Variants in AUTS2 observed in about 807,000 individuals in gnomAD.
The protein encoded by AUTS2 is activator of transcription and developmental regulator AUTS2.
In AUTS2, 17 loss-of-function variants were observed where a neutral mutation model predicts 112.4. The ratio of observed to expected loss-of-function variants is 0.15; its 90% CI spans 0.10 to 0.23. The LOEUF (loss-of-function observed/expected upper bound fraction) is 0.23. Among genes scored for constraint, AUTS2 ranks in the 10% least tolerant of loss-of-function variants. The pLI is 1.00. For synonymous variants in AUTS2, 751 were observed against 702.7 expected, an observed-to-expected ratio of 1.07 and a Z score of -1.09; for missense variants, 1,510 against 1,701.6, an observed-to-expected ratio of 0.89 and a Z score of 1.98.
At position 70,118,139 on chromosome 7, in the gene AUTS2, C is replaced by T; in HGVS notation, c.530C>T (p.Pro177Leu). 6.2e-7 allele frequency: 1 copy of T among 1,600,224 alleles called. No individual in the cohort carries two copies. Among genetic ancestry groups the T allele is most frequent in the Non-Finnish European group, 8.5e-7 (1 of 1,176,126 alleles). Residue 177 changes from proline to leucine, a missense_variant, in exon 3 of 19, where the codon CCA becomes CTA. Physicochemically the swap from Pro to Leu is moderately conservative, Grantham distance 98. This residue lies in a region of AUTS2 where 535 missense variants were observed against 594.3 expected (regional missense o/e 0.90). Coordinates refer to ENST00000342771, the MANE Select transcript of AUTS2 (RefSeq NM_015570.4). ...CTTTTCTTTTGCCTTTAGCTCAAGC[C>T]AGGACAGAACAGCTGCAGGGACAGT... Reference protein sequence around the residue: ...KMPKALRQLKPGQNSCRDSDS... With the variant: ...KMPKALRQLKLGQNSCRDSDS...
At chr7:70,779,672 G>A (rs973260728) in intron 14 of AUTS2, among the ~76,000 whole-genome samples, 5 of 152,218 alleles carry the variant, frequency 3.3e-5, no homozygotes, top group African/African-American at 1.2e-4. Flanking sequence ...CTCAGGACAT[G>A]AGGGAGATTG....
intron 4 of AUTS2, among the ~76,000 whole-genome samples, chr7:70,193,554 G>T (rs914128525): frequency 6.6e-6 from 1 of 152,132 alleles, no homozygotes; most frequent in African/African-American, 2.4e-5. Flanking sequence ...TGAGCAATGT[G>T]GCAGATGTTT....
At chr7:69,973,281 A>G (rs1000230924) in intron 2 of AUTS2, among the ~76,000 whole-genome samples, 5 of 152,200 alleles carry the variant, frequency 3.3e-5, no homozygotes, top group Non-Finnish European at 7.4e-5. Flanking sequence ...TGTTTTTTGT[A>G]TCCTGTAACC....
intron 1 of AUTS2, among the ~76,000 whole-genome samples, chr7:69,703,034 T>G (rs560067583): frequency 4.6e-5 from 7 of 152,302 alleles, no homozygotes; most frequent in Non-Finnish European, 1.0e-4. Flanking sequence ...TTACTTTCAA[T>G]GGCAATTTCA....
At chr7:70,124,549 T>C (rs1805857456) in intron 3 of AUTS2, among the ~76,000 whole-genome samples, 1 of 151,788 alleles carries the variant, frequency 6.6e-6, no homozygotes, top group South Asian at 2.1e-4. Context: ...AAGGAAGGGG[T>C]CCAGCTTCAA....
At chr7:69,979,350 T>A (rs1252067216) in intron 2 of AUTS2, among the ~76,000 whole-genome samples, 2 of 152,216 alleles carry the variant, frequency 1.3e-5, no homozygotes, top group Non-Finnish European at 2.9e-5. Context: ...TCCTGTACTT[T>A]TTTCATCATC....
chr7:70,131,906 G>A (rs777681183), intron 3 of AUTS2, among the ~76,000 whole-genome samples: 7 of 151,796 alleles, frequency 4.6e-5, no homozygotes, highest in South Asian at 2.1e-4. Flanking sequence ...ATACAAGGCC[G>A]TAGTCAGAAT....
At chr7:70,018,222 C>G (rs767750258) in intron 2 of AUTS2, among the ~76,000 whole-genome samples, 2 of 151,146 alleles carry the variant, frequency 1.3e-5, no homozygotes. Flanking sequence ...TTTTTTTTAA[C>G]GCCTTTAACT....
intron 4 of AUTS2, among the ~76,000 whole-genome samples, chr7:70,267,187 T>C (rs1787470164): frequency 6.6e-6 from 1 of 152,212 alleles, no homozygotes; most frequent in Non-Finnish European, 1.5e-5. Context: ...CTGTAGCAAA[T>C]TGCATTATGA....
At chr7:69,676,175 C>G (rs914827651) in intron 1 of AUTS2, among the ~76,000 whole-genome samples, 1 of 152,160 alleles carries the variant, frequency 6.6e-6, no homozygotes, top group African/African-American at 2.4e-5. Context: ...TTTGTAGTCA[C>G]ATCAGTGTGT....
intron 4 of AUTS2, among the ~76,000 whole-genome samples, chr7:70,431,936 T>C (rs1004766161): frequency 2.3e-4 from 35 of 152,350 alleles, no homozygotes; most frequent in African/African-American, 7.9e-4. Flanking sequence ...ACGTCCTCTT[T>C]CTCTCCTTTT....
chr7:70,163,068 G>T (rs538151959), intron 4 of AUTS2, among the ~76,000 whole-genome samples: 1 of 151,972 alleles, frequency 6.6e-6, no homozygotes, highest in Admixed American at 6.6e-5. Context: ...GTGACAGGGA[G>T]GGCTGGCTAG....
At chr7:69,895,642 G>A (rs973387338) in intron 1 of AUTS2, among the ~76,000 whole-genome samples, 1 of 151,214 alleles carries the variant, frequency 6.6e-6, no homozygotes, top group African/African-American at 2.4e-5. Context: ...CTAATGTCAC[G>A]GCATGGGGTC....
intron 5 of AUTS2, among the ~76,000 whole-genome samples, chr7:70,645,261 A>G (rs895623571): frequency 1.5e-5 from 2 of 129,974 alleles, no homozygotes; most frequent in African/African-American, 5.8e-5. Flanking sequence ...GGAGCTGGAC[A>G]TGAAAAGGAG....
chr7:70,056,946 T>C (rs1802020565), intron 2 of AUTS2, among the ~76,000 whole-genome samples: 1 of 152,216 alleles, frequency 6.6e-6, no homozygotes, highest in Admixed American at 6.5e-5. Context: ...ATGATTATAA[T>C]GATTCTTGCT....
chr7:70,210,340 TA>T (rs1240321366), intron 4 of AUTS2, among the ~76,000 whole-genome samples: 9 of 152,256 alleles, frequency 5.9e-5, no homozygotes, highest in African/African-American at 2.2e-4. Flanking sequence ...GGCTGCTGTG[TA>T]AAAGGATAAT....
At chr7:70,468,495 A>G (rs1035189053) in intron 5 of AUTS2, among the ~76,000 whole-genome samples, 1 of 152,222 alleles carries the variant, frequency 6.6e-6, no homozygotes, top group African/African-American at 2.4e-5. Flanking sequence ...CCTGACCTGG[A>G]CAAGTTACCT....
At chr7:70,618,204 G>T (rs1027553261) in intron 5 of AUTS2, among the ~76,000 whole-genome samples, 3 of 152,184 alleles carry the variant, frequency 2.0e-5, no homozygotes, top group African/African-American at 7.2e-5. Context: ...TGACTGCTGC[G>T]CTGGTCCCGT....
At chr7:70,244,842 G>T (rs1379957120) in intron 4 of AUTS2, among the ~76,000 whole-genome samples, 3 of 152,034 alleles carry the variant, frequency 2.0e-5, no homozygotes, top group African/African-American at 2.4e-5. Context: ...CAAGATGGCC[G>T]GGTGCGGCGG....
Sources: allele counts gnomAD v4.1 joint callset (sites outside exome capture counted in the v4.1 genomes callset), GRCh38; gene constraint gnomAD v4.1.1; regional missense constraint gnomAD v4.1.1; transcripts MANE v1.5; gene names NCBI Gene and HGNC (gene_info 2026-07-23, HGNC 2026-07-21).